Variants in OXR1 observed in about 807,000 individuals in gnomAD.
The protein encoded by OXR1 is oxidation resistance protein 1.
OXR1 carries 41 observed loss-of-function variants against 104.6 expected under a neutral mutation model. That is an observed-to-expected ratio of 0.39 (90% confidence interval 0.31 to 0.51). The LOEUF (loss-of-function observed/expected upper bound fraction) is 0.51, where lower values mean the gene tolerates loss of function less well. Among genes scored for constraint, OXR1 ranks in the 20% least tolerant of loss-of-function variants. The pLI, the probability that OXR1 is intolerant of heterozygous loss-of-function variation, is 0.77. For synonymous variants in OXR1, 348 were observed against 348.4 expected (o/e 1.00, Z 0.01); for missense variants, 955 against 1,031.9 (o/e 0.93, Z 1.02).
Position 106,367,228 on chromosome 8 carries a change from AT to A in OXR1, c.23+7599del, listed in dbSNP as rs1417897150. 2.0e-5 allele frequency among the ~76,000 whole-genome samples: 3 copies of A among 151,526 alleles called. No individual in the cohort carries two copies. In the East Asian group the frequency reaches 5.9e-4, roughly 30 times the overall value. ...AGGTGCGTGCCACCATGCCCGGCTA[AT>A]TTTTTTGTATTTTTTAGTAGAGAGA... On this transcript the variant is annotated intron_variant, in intron 2 of 16. Transcript: ENST00000517566.
At chr8:106,425,237 C>T (rs1408957684) in intron 2 of OXR1, among the ~76,000 whole-genome samples, 2 of 151,328 alleles carry the variant, frequency 1.3e-5, no homozygotes, top group African/African-American at 2.4e-5. Flanking sequence ...CTTTTCTTTT[C>T]TTTTTTTATA....
intron 3 of OXR1, among the ~76,000 whole-genome samples, chr8:106,549,497 G>GT (rs1563597887): frequency 6.6e-6 from 1 of 152,074 alleles, no homozygotes. Flanking sequence ...GACACAAAGG[G>GT]TTTTTTCTTA....
At chr8:106,311,029 T>C (rs1275348252) in intron 1 of OXR1, among the ~76,000 whole-genome samples, 1 of 152,150 alleles carries the variant, frequency 6.6e-6, no homozygotes, top group Non-Finnish European at 1.5e-5. Flanking sequence ...GTTTGACATT[T>C]CTGGAGCTCC....
At chr8:106,507,133 G>A (rs928823884) in intron 2 of OXR1, among the ~76,000 whole-genome samples, 3 of 152,088 alleles carry the variant, frequency 2.0e-5, no homozygotes, top group Non-Finnish European at 4.4e-5. Flanking sequence ...AGTGAAAAAG[G>A]GAATATTTGG....
intron 1 of OXR1, among the ~76,000 whole-genome samples, chr8:106,352,468 T>C (rs1442693783): frequency 2.0e-5 from 3 of 152,214 alleles, no homozygotes; most frequent in Non-Finnish European, 1.5e-5. Context: ...AGAAATTTTA[T>C]GTGTAGGTAT....
chr8:106,690,674 T>A (rs966967434), intron 6 of OXR1, among the ~76,000 whole-genome samples: 1 of 151,840 alleles, frequency 6.6e-6, no homozygotes. Flanking sequence ...TTATTCTGTA[T>A]TTGATTTTAA....
chr8:106,707,574 A>G (rs997192542), intron 9 of OXR1: 2 of 233,476 alleles, frequency 8.6e-6, no homozygotes, highest in African/African-American at 4.5e-5. Context: ...GTACAGTTAA[A>G]CCTAAAAGTG....
intron 1 of OXR1, among the ~76,000 whole-genome samples, chr8:106,338,033 A>C (rs1815035013): frequency 6.6e-6 from 1 of 152,200 alleles, no homozygotes; most frequent in Admixed American, 6.5e-5. Context: ...ATAATTCATG[A>C]ACTTCTATTT....
Position 106,750,324 on chromosome 8 carries a change from C to CT in OXR1, c.2487-464dup, listed in dbSNP as rs35858491. ...TAATTTTTTTCTTTTCTTTTCTTTT[C>CT]TTTTTTTTTTTTTTTTTTGAGACAG... is the stretch of plus-strand genomic sequence containing the variant. On this transcript the variant is annotated intron_variant, in intron 16 of 16. Coordinates refer to ENST00000517566, the MANE Select transcript of OXR1 (RefSeq NM_001198533.2). Among the ~76,000 whole-genome samples, 445 of 138,158 alleles carry CT rather than the reference C, an allele frequency of 3.2e-3. 4 individuals carry two copies. Among genetic ancestry groups the CT allele is most frequent in the African/African-American group, 8.1e-3 (294 of 36,488 alleles). 90.6% of individuals were successfully genotyped at this position (138,158 alleles called of 152,430 possible).
At chr8:106,402,859 C>T (rs973406240) in intron 2 of OXR1, among the ~76,000 whole-genome samples, 7 of 152,044 alleles carry the variant, frequency 4.6e-5, no homozygotes, top group African/African-American at 7.3e-5. Context: ...CTCGCTCTGT[C>T]GCCCAGACTG....
At chr8:106,673,177 C>A (rs193093233) in intron 3 of OXR1, among the ~76,000 whole-genome samples, 3 of 152,120 alleles carry the variant, frequency 2.0e-5, no homozygotes, top group Admixed American at 2.0e-4. Flanking sequence ...TGGCTTTGAC[C>A]AAAATGCTGA....
chr8:106,382,500 G>C (rs1174645363), intron 2 of OXR1, among the ~76,000 whole-genome samples: 1 of 152,040 alleles, frequency 6.6e-6, no homozygotes, highest in African/African-American at 2.4e-5. Flanking sequence ...TGCTTGTGGA[G>C]CTGTCCCAGT....
chr8:106,408,379 T>G (rs183641549), intron 2 of OXR1, among the ~76,000 whole-genome samples: 1 of 152,174 alleles, frequency 6.6e-6, no homozygotes, highest in South Asian at 2.1e-4. Context: ...ATGACTTACA[T>G]TGGCATCAGT....
intron 3 of OXR1, among the ~76,000 whole-genome samples, chr8:106,664,758 A>G (rs1826106562): frequency 6.6e-6 from 1 of 152,214 alleles, no homozygotes; most frequent in Non-Finnish European, 1.5e-5. Context: ...AGGGTTTTTA[A>G]TATTTTTCTC....
At chr8:106,438,097 T>C (rs1329684124) in intron 2 of OXR1, among the ~76,000 whole-genome samples, 1 of 152,158 alleles carries the variant, frequency 6.6e-6, no homozygotes, top group Non-Finnish European at 1.5e-5. Context: ...CCAGTGCAGA[T>C]CTTTAGGGAC....
chr8:106,563,452 T>C (rs564365639), intron 3 of OXR1, among the ~76,000 whole-genome samples: 1 of 152,148 alleles, frequency 6.6e-6, no homozygotes, highest in Non-Finnish European at 1.5e-5. Flanking sequence ...ATCTTAAATA[T>C]ATATGCACCC....
intron 3 of OXR1, among the ~76,000 whole-genome samples, chr8:106,595,550 CAAAAAA>C (rs67790797): frequency 4.9e-5 from 3 of 60,750 alleles, no homozygotes; most frequent in Admixed American, 1.9e-4. Flanking sequence ...AACTCCGTCT[CAAAAAA>C]AAAAAAAAAA....
chr8:106,346,726 C>T (rs1815497096), intron 1 of OXR1, among the ~76,000 whole-genome samples: 2 of 144,220 alleles, frequency 1.4e-5, no homozygotes, highest in Admixed American at 7.3e-5. Context: ...TTTAGAGGCC[C>T]TTTCTGTTGA....
At chr8:106,284,641 A>T (rs796083500) in intron 1 of OXR1, among the ~76,000 whole-genome samples, 3 of 152,254 alleles carry the variant, frequency 2.0e-5, no homozygotes, top group African/African-American at 7.2e-5. Context: ...ATATGCCTTC[A>T]CCTCTGGATA....
Sources: allele counts gnomAD v4.1 joint callset (sites outside exome capture counted in the v4.1 genomes callset), GRCh38; gene constraint gnomAD v4.1.1; transcripts MANE v1.5; gene names NCBI Gene and HGNC (gene_info 2026-07-23, HGNC 2026-07-21).